Variants in GRIK4 observed in about 807,000 individuals in gnomAD.
GRIK4 encodes the protein glutamate ionotropic receptor kainate type subunit 4.
Under a neutral mutation model 104.9 loss-of-function variants are expected in GRIK4, and 40 were observed. The ratio of observed to expected loss-of-function variants is 0.38; its 90% CI spans 0.30 to 0.50. The LOEUF (loss-of-function observed/expected upper bound fraction) is 0.50, where lower values mean the gene tolerates loss of function less well. Among genes scored for constraint, GRIK4 ranks in the 20% least tolerant of loss-of-function variants. The pLI is 0.93. For synonymous variants in GRIK4, 485 were observed against 524.9 expected, an observed-to-expected ratio of 0.92 and a Z score of 1.04; for missense variants, 1,047 against 1,308.1, an observed-to-expected ratio of 0.80 and a Z score of 3.08.
intron 3 of GRIK4, among the ~76,000 whole-genome samples, chr11:120,796,661 AGTCCAG>A (rs1488254729): frequency 6.6e-6 from 1 of 152,142 alleles, no homozygotes; most frequent in Non-Finnish European, 1.5e-5. Flanking sequence ...TTAATGGGCC[AGTCCAG>A]GACTGTACAT....
chr11:120,823,767 G>A (rs1953183512), intron 6 of GRIK4, among the ~76,000 whole-genome samples: 1 of 152,208 alleles, frequency 6.6e-6, no homozygotes, highest in African/African-American at 2.4e-5. Flanking sequence ...AGGTTCTGGA[G>A]CAGATGTGCC....
At chr11:120,985,786 A>T (rs1202173445) in intron 20 of GRIK4, 118 bp from the exon 21 acceptor site, 2 of 847,426 alleles carry the variant, frequency 2.4e-6, no homozygotes, top group African/African-American at 3.5e-5. Flanking sequence ...TCATCTTCAT[A>T]CTTAAGATGA....
intron 1 of GRIK4, among the ~76,000 whole-genome samples, chr11:120,533,189 G>A (rs191255786): frequency 1.3e-5 from 2 of 152,274 alleles, no homozygotes; most frequent in Admixed American, 6.5e-5. Flanking sequence ...CAAAGGAAAG[G>A]ACAAGAGCCT....
chr11:120,812,444 T>A (rs1341889150), intron 4 of GRIK4, among the ~76,000 whole-genome samples: 1 of 152,118 alleles, frequency 6.6e-6, no homozygotes, highest in African/African-American at 2.4e-5. Context: ...CTCATAGAAG[T>A]GTGGAGATCC....
intron 4 of GRIK4, among the ~76,000 whole-genome samples, chr11:120,807,814 A>G (rs1281137257): frequency 6.6e-6 from 1 of 152,224 alleles, no homozygotes; most frequent in Non-Finnish European, 1.5e-5. Context: ...CATCTGGTCC[A>G]ACCCCTTCCT....
chr11:120,600,100 G>C (rs1336302174), intron 1 of GRIK4, among the ~76,000 whole-genome samples: 6 of 152,222 alleles, frequency 3.9e-5, no homozygotes, highest in Non-Finnish European at 7.3e-5. Context: ...TCCAGGGAGA[G>C]TAGTGCTGGC....
At chr11:120,684,871 G>A (rs976663755) in intron 3 of GRIK4, among the ~76,000 whole-genome samples, 7 of 152,244 alleles carry the variant, frequency 4.6e-5, no homozygotes, top group Admixed American at 2.0e-4. Flanking sequence ...CACCGCGCCC[G>A]GCTAATTTTT....
chr11:120,854,855 T>C (rs1954063589), intron 8 of GRIK4, among the ~76,000 whole-genome samples: 1 of 151,690 alleles, frequency 6.6e-6, no homozygotes, highest in Admixed American at 6.6e-5. Flanking sequence ...AATTAAAAGA[T>C]TTTTTTTTAA....
intron 1 of GRIK4, among the ~76,000 whole-genome samples, chr11:120,577,949 C>T (rs1192756157): frequency 6.6e-6 from 1 of 152,226 alleles, no homozygotes; most frequent in Non-Finnish European, 1.5e-5. Flanking sequence ...CCTCCATCCC[C>T]TGTAGTGGCT....
intron 3 of GRIK4, among the ~76,000 whole-genome samples, chr11:120,725,141 C>T (rs1231307771): frequency 6.6e-6 from 1 of 152,110 alleles, no homozygotes; most frequent in Non-Finnish European, 1.5e-5. Flanking sequence ...AGGGGCCTTA[C>T]AAAATATCTG....
intron 1 of GRIK4, among the ~76,000 whole-genome samples, chr11:120,566,562 C>CT (rs1192238295): frequency 6.6e-6 from 1 of 152,160 alleles, no homozygotes; most frequent in African/African-American, 2.4e-5. Flanking sequence ...CTTGTAAACC[C>CT]TTTTTTGTCT....
At chr11:120,605,627 C>T (rs117138789) in intron 1 of GRIK4, among the ~76,000 whole-genome samples, 1 of 152,320 alleles carries the variant, frequency 6.6e-6, no homozygotes, top group East Asian at 1.9e-4. Flanking sequence ...GTGTCAGGGA[C>T]ATTCCAGGCC....
Position 120,549,629 on chromosome 11 carries a change from G to A in GRIK4, c.-159+37742G>A, listed in dbSNP as rs1251935383. 1.3e-5 allele frequency among the ~76,000 whole-genome samples: 2 copies of A among 152,198 alleles called. No homozygotes were observed. The highest frequency in any genetic ancestry group is 2.9e-5 in the Non-Finnish European group (2 of 68,036). On this transcript the variant is annotated intron_variant, in intron 1 of 20. Transcript: ENST00000527524. This position sits in a 1 kb window ranked among gnomAD's most constrained non-coding sequence, Gnocchi z 4.7. The stretch of plus-strand genomic sequence containing the variant: ...GCTAGGGCGTGTGCAACAGTAAAAC[G>A]CTGCTCAGCTCACAGCAGGGGCCTG...
intron 1 of GRIK4, among the ~76,000 whole-genome samples, chr11:120,568,320 T>C (rs1948356253): frequency 6.6e-6 from 1 of 152,176 alleles, no homozygotes; most frequent in African/African-American, 2.4e-5. Flanking sequence ...CTGCTTCCAT[T>C]TTCTTCTGTT....
chr11:120,576,788 C>T (rs1948490805), intron 1 of GRIK4, among the ~76,000 whole-genome samples: 1 of 152,134 alleles, frequency 6.6e-6, no homozygotes, highest in Non-Finnish European at 1.5e-5. Context: ...CATAGAGGAG[C>T]CTGTGTTCCC....
intron 11 of GRIK4, among the ~76,000 whole-genome samples, chr11:120,897,622 A>G (rs1034604899): frequency 1.4e-5 from 2 of 145,644 alleles, no homozygotes; most frequent in African/African-American, 5.0e-5. Context: ...AAAAAAAAAA[A>G]AAAAAGAGTA....
chr11:120,800,858 G>A (rs1202260177), intron 3 of GRIK4, among the ~76,000 whole-genome samples: 1 of 152,228 alleles, frequency 6.6e-6, no homozygotes, highest in East Asian at 1.9e-4. Context: ...TCAGTGAAAT[G>A]TATTCGGCTT....
intron 19 of GRIK4, among the ~76,000 whole-genome samples, chr11:120,981,528 T>G (rs1465500142): frequency 6.6e-6 from 1 of 152,230 alleles, no homozygotes; most frequent in Non-Finnish European, 1.5e-5. Flanking sequence ...ATATTTTTAG[T>G]CAGCTTTCTA....
At chr11:120,653,237 G>A (rs141389380) in intron 1 of GRIK4, among the ~76,000 whole-genome samples, 31 of 152,366 alleles carry the variant, frequency 2.0e-4, no homozygotes, top group Admixed American at 5.2e-4. Flanking sequence ...GAACCAGGGG[G>A]CCAGTCTCTT....
Sources: allele counts gnomAD v4.1 joint callset (sites outside exome capture counted in the v4.1 genomes callset), GRCh38; gene constraint gnomAD v4.1.1; non-coding constraint Gnocchi (gnomAD v3.1); transcripts MANE v1.5; gene names NCBI Gene and HGNC (gene_info 2026-07-23, HGNC 2026-07-21).